The following PDGFRL variants were observed in gnomAD, a reference collection of about 807,000 sequenced individuals.
The protein encoded by PDGFRL is platelet-derived growth factor receptor-like protein.
Under a neutral mutation model 37.2 loss-of-function variants are expected in PDGFRL, and 46 were observed. The observed-to-expected ratio is 1.24, with a 90% CI of 0.98 to 1.58. PDGFRL has a LOEUF of 1.58. Ranked by LOEUF, PDGFRL falls within the 40% of genes most tolerant of loss-of-function variation. The pLI is 0.00. For missense variants in PDGFRL, 692 were observed against 467.6 expected, an observed-to-expected ratio of 1.48 and a Z score of -4.43; for synonymous variants, 251 against 184.3, an observed-to-expected ratio of 1.36 and a Z score of -2.93.
intron 2 of PDGFRL, 124 bp from the exon 3 acceptor site, chr8:17,620,927 T>C (rs1804616968): frequency 2.2e-6 from 1 of 464,322 alleles, no homozygotes; most frequent in Admixed American, 4.2e-5. Context: ...ATTCTTATAT[T>C]ACTCTATGAC....
rs1585339417 is a variant in PDGFRL, at chr8:17,638,773, ATATATATATATAT to A, written c.940-3839_940-3827del. ...TATATATATATATATATATATATATATATATATATATATAATTGTGATATTTTCCTGTTGGGCA... is the reference window on the plus strand; with the variant it reads ...TATATATATATATATATATATATATAAATTGTGATATTTTCCTGTTGGGCA... On this transcript the variant is annotated intron_variant, in intron 5 of 5. Coordinates refer to ENST00000251630, the MANE Select transcript of PDGFRL (RefSeq NM_001372073.1). 2.2e-4 allele frequency among the ~76,000 whole-genome samples: 21 copies of A among 93,906 alleles called. 2 individuals carry two copies. Among genetic ancestry groups the A allele is most frequent in the South Asian group, 1.2e-3 (4 of 3,376 alleles). 61.6% of individuals were successfully genotyped at this position (93,906 alleles called of 152,430 possible). A position where few individuals can be genotyped will look rare whatever the true frequency, so the allele number is the denominator to read the frequency against.
intron 2 of PDGFRL, among the ~76,000 whole-genome samples, chr8:17,591,651 C>T (rs1173915830): frequency 6.6e-6 from 1 of 152,180 alleles, no homozygotes; most frequent in Non-Finnish European, 1.5e-5. Flanking sequence ...CACGGTGGCT[C>T]ACGCCTGTAA....
intron 5 of PDGFRL, among the ~76,000 whole-genome samples, chr8:17,639,716 C>T (rs1805051274): frequency 6.6e-6 from 1 of 152,108 alleles, no homozygotes; most frequent in Non-Finnish European, 1.5e-5. Flanking sequence ...AGATTCTTTC[C>T]TTCATCTTCG....
chr8:17,610,161 C>T (rs757232404), intron 2 of PDGFRL, among the ~76,000 whole-genome samples: 1 of 152,190 alleles, frequency 6.6e-6, no homozygotes, highest in East Asian at 1.9e-4. Context: ...CCTTTGTCCT[C>T]TGTCCTCACT....
chr8:17,584,843 T>A (rs1803782157), intron 1 of PDGFRL, among the ~76,000 whole-genome samples: 2 of 151,900 alleles, frequency 1.3e-5, no homozygotes, highest in Non-Finnish European at 2.9e-5. Context: ...TCCATAGAAG[T>A]AAAGTGAAAG....
At chr8:17,592,869 C>G (rs1230610233) in intron 2 of PDGFRL, among the ~76,000 whole-genome samples, 2 of 151,918 alleles carry the variant, frequency 1.3e-5, no homozygotes, top group African/African-American at 2.4e-5. Flanking sequence ...TAATGTTTGA[C>G]TGACAAGCCT....
chr8:17,613,625 C>G lies in PDGFRL; in HGVS notation c.354-7426C>G, dbSNP rs370516866. 1.3e-4 allele frequency among the ~76,000 whole-genome samples: 20 copies of G among 152,256 alleles called. No individual in the cohort carries two copies. In the East Asian group the frequency reaches 3.1e-3, roughly 24 times the overall value. ...AGGCGCAGTGGCTCATGCCTGTAAT[C>G]CCAGCACTTTGGGAGGCCGAGGCAG... On this transcript the variant is annotated intron_variant, in intron 2 of 5. Transcript: ENST00000251630.
At position 17,588,007 on chromosome 8, in the gene PDGFRL, G is replaced by T. The variant is rs150807285; in HGVS notation, c.56-1461G>T. On this transcript the variant is annotated intron_variant, in intron 1 of 5. Transcript: ENST00000251630. ...GGCTTAGCTGAGATTTTTAGAGTCC[G>T]GTGGCCCACCACAGGCAGAACAGTG... 4.7e-4 allele frequency among the ~76,000 whole-genome samples: 72 copies of T among 152,136 alleles called. No individual in the cohort carries two copies. The East Asian group carries it at 0.013, about 27-fold the overall frequency.
In PDGFRL at chr8:17,601,695, C is replaced by G. The variant is rs556541325; in HGVS notation, c.353+11930C>G. ...CGAGGTGTACTGAATGGTTAGCTCC[C>G]CTTTAAAAGTGAGAGCATGTGGTAT... On this transcript the variant is annotated intron_variant, in intron 2 of 5. Coordinates refer to ENST00000251630, the MANE Select transcript of PDGFRL (RefSeq NM_001372073.1). 3.1e-4 allele frequency among the ~76,000 whole-genome samples: 47 copies of G among 152,156 alleles called. 1 individual carries two copies. The South Asian group carries it at 4.2e-3, about 13-fold the overall frequency.
intron 3 of PDGFRL, among the ~76,000 whole-genome samples, chr8:17,625,285 G>T (rs1184961768): frequency 6.6e-6 from 1 of 152,108 alleles, no homozygotes; most frequent in East Asian, 1.9e-4. Context: ...CCGAGTAGCT[G>T]GGATTACAGG....
intron 1 of PDGFRL, among the ~76,000 whole-genome samples, chr8:17,584,785 C>T (rs537628150): frequency 4.0e-5 from 6 of 151,160 alleles, no homozygotes; most frequent in African/African-American, 1.2e-4. Context: ...TGATCCAGAC[C>T]GCAAGAAAAA....
intron 2 of PDGFRL, among the ~76,000 whole-genome samples, chr8:17,590,868 CATTATT>C (rs993350978): frequency 8.1e-5 from 11 of 135,052 alleles, no homozygotes; most frequent in African/African-American, 2.6e-4. Flanking sequence ...AACTGCTTCT[CATTATT>C]ATTATTATTA....
At chr8:17,583,046 A>G (rs1257973033) in intron 1 of PDGFRL, among the ~76,000 whole-genome samples, 1 of 152,200 alleles carries the variant, frequency 6.6e-6, no homozygotes, top group East Asian at 1.9e-4. Context: ...AGGTTGCTCC[A>G]GAGGGCACAA....
chr8:17,602,117 C>A (rs1032897794), intron 2 of PDGFRL, among the ~76,000 whole-genome samples: 3 of 151,944 alleles, frequency 2.0e-5, no homozygotes, highest in Admixed American at 6.6e-5. Flanking sequence ...ATGACCTTGA[C>A]GGCATCTGTT....
intron 5 of PDGFRL, among the ~76,000 whole-genome samples, chr8:17,636,135 A>G (rs112372260): frequency 6.6e-6 from 1 of 152,030 alleles, no homozygotes; most frequent in Non-Finnish European, 1.5e-5. Context: ...AGCCCGATCT[A>G]TCTTTGTTTT....
intron 5 of PDGFRL, among the ~76,000 whole-genome samples, chr8:17,636,018 T>C (rs188790441): frequency 2.4e-4 from 36 of 152,338 alleles, no homozygotes; most frequent in South Asian, 2.1e-4. Flanking sequence ...TGGGTGTTAG[T>C]CCTTTTTCAG....
intron 2 of PDGFRL, among the ~76,000 whole-genome samples, chr8:17,607,993 G>T (rs1258469246): frequency 6.6e-6 from 1 of 152,242 alleles, no homozygotes; most frequent in Admixed American, 6.5e-5. Flanking sequence ...GCCGGCTGCA[G>T]GTGGGCAGCT....
intron 1 of PDGFRL, among the ~76,000 whole-genome samples, chr8:17,587,883 G>T (rs1175174823): frequency 1.3e-5 from 2 of 151,962 alleles, no homozygotes; most frequent in Non-Finnish European, 2.9e-5. Flanking sequence ...ACCTGCGTTG[G>T]CCTCCCAAAA....
intron 4 of PDGFRL, among the ~76,000 whole-genome samples, chr8:17,630,852 A>G (rs1383560293): frequency 6.6e-6 from 1 of 152,090 alleles, no homozygotes; most frequent in African/African-American, 2.4e-5. Context: ...GCCCTGTCCC[A>G]TGCAGCCTCG....
Sources: allele counts gnomAD v4.1 joint callset (sites outside exome capture counted in the v4.1 genomes callset), GRCh38; gene constraint gnomAD v4.1.1; transcripts MANE v1.5; gene names NCBI Gene and HGNC (gene_info 2026-07-23, HGNC 2026-07-21).